The following ADIPOR2 variants were observed in gnomAD, a reference collection of about 807,000 sequenced individuals.
ADIPOR2 encodes adiponectin receptor protein 2.
A neutral mutation model predicts 40.9 loss-of-function variants in ADIPOR2; 18 were observed. That is an observed-to-expected ratio of 0.44 (90% confidence interval 0.30 to 0.65). The LOEUF is 0.65. Ranked by LOEUF, ADIPOR2 falls within the 30% of genes least tolerant of loss-of-function variation. The probability of loss-of-function intolerance (pLI) is 0.09; values close to 1 mark genes in which losing one functional copy is unlikely to be tolerated. For missense variants in ADIPOR2, 283 were observed against 479.2 expected (o/e 0.59, Z 3.82); for synonymous variants, 165 against 166.4 (o/e 0.99, Z 0.06).
At chr12:1,784,362 A>G (rs1301899110) in intron 7 of ADIPOR2, among the ~76,000 whole-genome samples, 1 of 152,266 alleles carries the variant, frequency 6.6e-6, no homozygotes, top group Non-Finnish European at 1.5e-5. Context: ...TTTACAAAGC[A>G]GGAGACTAAG....
chr12:1,757,482 CATAGGTTACCATTGTCAAACTTGATGAA>C, intron 2 of ADIPOR2: 2 of 734,114 alleles, frequency 2.7e-6, no homozygotes, highest in East Asian at 5.0e-5. Context: ...AGTCACCATG[CATAGGTTACCATTGTCAAACTTGATGAA>C]ATTGGTAATC....
At chr12:1,734,918 T>C (rs1260551102) in intron 1 of ADIPOR2, among the ~76,000 whole-genome samples, 1 of 152,190 alleles carries the variant, frequency 6.6e-6, no homozygotes, top group Non-Finnish European at 1.5e-5. Context: ...GTTGTAGATA[T>C]GCGGCACTAT....
intron 1 of ADIPOR2, among the ~76,000 whole-genome samples, chr12:1,726,717 G>A (rs1421358706): frequency 1.3e-5 from 2 of 151,874 alleles, no homozygotes; most frequent in Admixed American, 6.6e-5. Flanking sequence ...AACTATGCTA[G>A]TGTCACTTTT....
chr12:1,776,287 C>G (rs1260475528), intron 3 of ADIPOR2, among the ~76,000 whole-genome samples: 4 of 152,184 alleles, frequency 2.6e-5, no homozygotes, highest in Non-Finnish European at 4.4e-5. Flanking sequence ...GGCACAGTAG[C>G]TGGTGAGTAA....
chr12:1,780,945 A>G lies in ADIPOR2; in HGVS notation c.707A>G (p.Tyr236Cys). Residue 236 changes from tyrosine to cysteine, a missense_variant, in exon 6 of 8, where the codon TAT (tyrosine) becomes TGT (cysteine). By Grantham distance (194) the Tyr-to-Cys change is radical. Around this residue, in one of 3 missense-constraint regions of ADIPOR2, gnomAD observed 112 missense variants for 249.5 expected, o/e 0.45. Transcript: ENST00000357103. Reference sequence around the variant, plus strand: ...ATGGGAAGTTTTGTTCCTTGGCTTTATTATTCTTTCTACTGTAATCCACAA... The same window carrying G: ...ATGGGAAGTTTTGTTCCTTGGCTTTGTTATTCTTTCTACTGTAATCCACAA... ...LIMGSFVPWLYYSFYCNPQPC... is the reference protein window; with the variant it reads ...LIMGSFVPWLCYSFYCNPQPC... 1 of 1,612,792 alleles carries G rather than the reference A, an allele frequency of 6.2e-7. No individual in the cohort carries two copies. Among genetic ancestry groups the G allele is most frequent in the Non-Finnish European group, 8.5e-7 (1 of 1,179,612 alleles).
intron 1 of ADIPOR2, among the ~76,000 whole-genome samples, chr12:1,705,898 C>G (rs946072755): frequency 1.3e-5 from 2 of 152,170 alleles, no homozygotes; most frequent in African/African-American, 2.4e-5. Context: ...TCAGGGTCTT[C>G]CACTTAAGTT....
chr12:1,770,017 C>T (rs1002908320), intron 2 of ADIPOR2, among the ~76,000 whole-genome samples: 4 of 151,546 alleles, frequency 2.6e-5, no homozygotes, highest in African/African-American at 9.7e-5. Context: ...TCCTGGGGCT[C>T]AAGGAGTCCT....
In ADIPOR2 at chr12:1,786,000, C is replaced by T. The variant is rs760687680; in HGVS notation, c.1089C>T (p.Phe363=). 28 of 1,614,044 alleles carry T rather than the reference C, an allele frequency of 1.7e-5. 1 individual carries two copies. The highest frequency in any genetic ancestry group is 2.2e-5 in the Non-Finnish European group (26 of 1,180,030). The change falls in exon 8 of 8, where the codon TTC becomes TTT. Residue 363 remains phenylalanine (F), a synonymous_variant. Transcript: ENST00000357103. ...TGGTTGCTGGAGCTTTTGTTCACTT[C>T]CATGGTGTCTCAAACCTCCAGGAGT... ...IFVVAGAFVH[F]HGVSNLQEFR...
intron 2 of ADIPOR2, among the ~76,000 whole-genome samples, chr12:1,771,655 T>C (rs999619036): frequency 7.9e-5 from 12 of 152,208 alleles, no homozygotes; most frequent in Non-Finnish European, 1.5e-4. Flanking sequence ...TAGTGTCTTA[T>C]AAACTGAAGA....
At chr12:1,773,036 G>A in intron 3 of ADIPOR2, 75 bp downstream of exon 3, 4 of 1,532,224 alleles carry the variant, frequency 2.6e-6, no homozygotes, top group South Asian at 2.6e-5. Flanking sequence ...AAAGAGAGTG[G>A]TAGTACTATA....
At chr12:1,704,721 GT>G (rs1304520748) in intron 1 of ADIPOR2, among the ~76,000 whole-genome samples, 16 of 152,162 alleles carry the variant, frequency 1.1e-4, no homozygotes, top group African/African-American at 3.6e-4. Context: ...AAATCACTTA[GT>G]TTAAGTATGA....
chr12:1,703,355 A>C (rs1183442881), intron 1 of ADIPOR2, among the ~76,000 whole-genome samples: 2 of 152,214 alleles, frequency 1.3e-5, no homozygotes, highest in African/African-American at 4.8e-5. Context: ...GTCTGAAAAT[A>C]TATAATAGTT....
At chr12:1,736,786 G>A (rs2154442757) in intron 1 of ADIPOR2, among the ~76,000 whole-genome samples, 1 of 152,234 alleles carries the variant, frequency 6.6e-6, no homozygotes, top group East Asian at 1.9e-4. Context: ...TGCCTTGAAT[G>A]TGTCCCAGAG....
chr12:1,746,467 G>A (rs1477254818), intron 1 of ADIPOR2, among the ~76,000 whole-genome samples: 1 of 151,896 alleles, frequency 6.6e-6, no homozygotes, highest in East Asian at 1.9e-4. Flanking sequence ...CACCCTGGGC[G>A]ACAGAACAAG....
chr12:1,699,151 G>A (rs1477902722), intron 1 of ADIPOR2, among the ~76,000 whole-genome samples: 3 of 152,154 alleles, frequency 2.0e-5, no homozygotes, highest in African/African-American at 7.2e-5. Flanking sequence ...TAAGGAACGT[G>A]TAACTTTCTT....
chr12:1,730,707 T>C (rs1282040013), intron 1 of ADIPOR2: 2 of 152,162 alleles, frequency 1.3e-5, no homozygotes, highest in Non-Finnish European at 2.9e-5. Context: ...TCTAACATTT[T>C]GTTATCTTGG....
chr12:1,723,272 C>T (rs918003532), intron 1 of ADIPOR2, among the ~76,000 whole-genome samples: 4 of 152,062 alleles, frequency 2.6e-5, no homozygotes, highest in Non-Finnish European at 2.9e-5. Context: ...TTGTCTCCTT[C>T]GCATGTTCCA....
chr12:1,692,172 A>G (rs2094628517), intron 1 of ADIPOR2, among the ~76,000 whole-genome samples: 1 of 151,334 alleles, frequency 6.6e-6, no homozygotes, highest in South Asian at 2.1e-4. Flanking sequence ...GCATTATTTG[A>G]TCACAGAACT....
intron 1 of ADIPOR2, among the ~76,000 whole-genome samples, chr12:1,752,066 C>G (rs1374600616): frequency 1.3e-5 from 2 of 151,388 alleles, no homozygotes; most frequent in African/African-American, 4.9e-5. Flanking sequence ...CGCCACCACA[C>G]CCAGCTAATT....
Sources: gnomAD v4.1 joint callset for allele counts (sites outside exome capture counted in the v4.1 genomes callset) on GRCh38, gnomAD v4.1.1 for gene constraint, gnomAD v4.1.1 regional missense constraint, MANE v1.5 for transcripts, NCBI Gene and HGNC (gene_info 2026-07-23, HGNC 2026-07-21) for gene names.